PAPPA2: variants seen among roughly 807,000 people sequenced by gnomAD.
The protein encoded by PAPPA2 is pappalysin-2.
Under a neutral mutation model 176.4 loss-of-function variants are expected in PAPPA2, and 86 were observed. The ratio of observed to expected loss-of-function variants is 0.49; its 90% CI spans 0.41 to 0.58. The LOEUF is 0.58. Among genes scored for constraint, PAPPA2 ranks in the 20% least tolerant of loss-of-function variants. The pLI, the probability that PAPPA2 is intolerant of heterozygous loss-of-function variation, is 0.00. For synonymous variants in PAPPA2, 809 were observed against 852.2 expected (o/e 0.95, Z 0.88); for missense variants, 2,073 against 2,256.9 (o/e 0.92, Z 1.65).
intron 21 of PAPPA2, among the ~76,000 whole-genome samples, chr1:176,817,927 C>T (rs1449282305): frequency 6.6e-6 from 1 of 151,686 alleles, no homozygotes; most frequent in Non-Finnish European, 1.5e-5. Flanking sequence ...GATGAGGTCA[C>T]GCAGGAGTGT....
At chr1:176,502,884 G>C (rs187442709) in intron 1 of PAPPA2, among the ~76,000 whole-genome samples, 1 of 152,126 alleles carries the variant, frequency 6.6e-6, no homozygotes, top group African/African-American at 2.4e-5. Flanking sequence ...TTTTCTTCCA[G>C]TTAATAAAAC....
At chr1:176,550,372 A>G (rs1488049111) in intron 1 of PAPPA2, among the ~76,000 whole-genome samples, 1 of 152,236 alleles carries the variant, frequency 6.6e-6, no homozygotes, top group East Asian at 1.9e-4. Flanking sequence ...TTTTGAAGAG[A>G]TTCCAGGTAC....
chr1:176,673,707 A>G (rs1473147905), intron 4 of PAPPA2, among the ~76,000 whole-genome samples: 1 of 152,180 alleles, frequency 6.6e-6, no homozygotes, highest in African/African-American at 2.4e-5. Flanking sequence ...TGGATAAAAT[A>G]CTTTAAAAAT....
intron 21 of PAPPA2, among the ~76,000 whole-genome samples, chr1:176,820,441 C>T (rs2102973149): frequency 6.6e-6 from 1 of 152,282 alleles, no homozygotes; most frequent in East Asian, 1.9e-4. Flanking sequence ...GAGAGGCCGC[C>T]ACTGAGGCAG....
At position 176,532,361 on chromosome 1, in the gene PAPPA2, G is replaced by A. The variant is rs562924321; in HGVS notation, c.-916-23046G>A. Among the ~76,000 whole-genome samples the A allele has an allele frequency of 9.1e-4, 139 of 152,252 alleles. 1 individual carries two copies. Among genetic ancestry groups the A allele is most frequent in the South Asian group, 3.1e-3 (15 of 4,822 alleles). ...TTTGTGTATTAGGGAAGCCAAGCAC[G>A]TCCCTGCAGCTCTGCGAAGGTGACT... On this transcript the variant is annotated intron_variant, in intron 1 of 22. Coordinates refer to ENST00000367662, the MANE Select transcript of PAPPA2 (RefSeq NM_020318.3).
chr1:176,634,104 A>G (rs1037730769), intron 3 of PAPPA2, among the ~76,000 whole-genome samples: 3 of 152,222 alleles, frequency 2.0e-5, no homozygotes, highest in African/African-American at 7.2e-5. Flanking sequence ...TATATACCCA[A>G]AGGGATATAA....
Position 176,587,437 on chromosome 1 carries a change from T to A in PAPPA2, c.920-7087T>A, listed in dbSNP as rs1012033282. 7.2e-5 allele frequency among the ~76,000 whole-genome samples: 11 copies of A among 152,356 alleles called. No homozygotes were observed. The East Asian group carries it at 1.9e-3, about 27-fold the overall frequency. On this transcript the variant is annotated intron_variant, in intron 2 of 22. Coordinates refer to ENST00000367662, the MANE Select transcript of PAPPA2 (RefSeq NM_020318.3). ...TATGGTTTGGGGTTTTACATTTAAG[T>A]CTTTAATCCATCTTGAGTTAATTTT... is the stretch of plus-strand genomic sequence containing the variant.
rs1324912075 is a variant in PAPPA2 at position 176,543,044 on chromosome 1, G to T, written c.-916-12363G>T. On this transcript the variant is annotated intron_variant, in intron 1 of 22. Transcript: ENST00000367662. ...CTGGACTGTGGCTCCTTTCCTTGCA[G>T]TTTCAAAGTGTGGGAGGAATTCCAC... 2.6e-5 allele frequency among the ~76,000 whole-genome samples: 4 copies of T among 152,286 alleles called. No homozygotes were observed. In the East Asian group the frequency reaches 7.7e-4, roughly 29 times the overall value.
intron 14 of PAPPA2, 39 bp downstream of exon 14, chr1:176,740,235 G>C: frequency 6.4e-7 from 1 of 1,571,854 alleles, no homozygotes; most frequent in Non-Finnish European, 8.7e-7. Flanking sequence ...TCCTTTTCTT[G>C]TGGCTCTAAT....
chr1:176,655,405 A>G (rs372743705), intron 3 of PAPPA2, among the ~76,000 whole-genome samples: 3 of 151,882 alleles, frequency 2.0e-5, no homozygotes, highest in East Asian at 3.9e-4. Context: ...AGACTCTATA[A>G]GAAATTCAAA....
rs775686727 is a variant in PAPPA2 at position 176,556,928 on chromosome 1, G to T, written c.606G>T (p.Trp202Cys). The T allele has an allele frequency of 3.1e-6, 5 of 1,614,106 alleles. No individual in the cohort carries two copies. Among genetic ancestry groups the T allele is most frequent in the Non-Finnish European group, 4.2e-6 (5 of 1,180,036 alleles). The change falls in exon 2 of 23, where the codon TGG becomes TGT. Residue 202 changes from tryptophan (W) to cysteine (C), a missense_variant. This residue lies in a region of PAPPA2 where 1,196 missense variants were observed against 1,330.4 expected (regional missense o/e 0.90). Coordinates refer to ENST00000367662, the MANE Select transcript of PAPPA2 (RefSeq NM_020318.3). ...AGTCCAGGCAGCGTCGCCAAGTGTG[G>T]AAGAGGCGGGCGGAAGATGGGCAGG... The part of the protein sequence containing the change: ...WAKSRQRRQV[W>C]KRRAEDGQGD...
intron 8 of PAPPA2, 117 bp downstream of exon 8, chr1:176,699,706 C>A: frequency 6.9e-7 from 1 of 1,447,954 alleles, no homozygotes; most frequent in Non-Finnish European, 9.2e-7. Context: ...TTTAGACTTT[C>A]AGAGGGGATT....
intron 3 of PAPPA2, among the ~76,000 whole-genome samples, chr1:176,638,627 G>A (rs998841987): frequency 6.6e-6 from 1 of 152,032 alleles, no homozygotes; most frequent in African/African-American, 2.4e-5. Context: ...ATGGCGCACT[G>A]TAGATGAACA....
intron 3 of PAPPA2, among the ~76,000 whole-genome samples, chr1:176,666,567 G>A (rs1190382071): frequency 1.1e-3 from 48 of 41,848 alleles, no homozygotes; most frequent in Middle Eastern, 0.012. Flanking sequence ...ATATATGTGT[G>A]TGTGTGTGTG....
chr1:176,842,387 C>T lies in PAPPA2; in HGVS notation c.5309C>T (p.Pro1770Leu). The change falls in exon 23 of 23, where the codon CCA becomes CTA. Residue 1770 changes from proline to leucine, a missense_variant. Pro to Leu is a moderately conservative substitution (Grantham distance 98). Coordinates refer to ENST00000367662, the MANE Select transcript of PAPPA2 (RefSeq NM_020318.3). The stretch of plus-strand genomic sequence containing the variant: ...TCCCTTTCATTCCCCTAGGTCATTC[C>T]ATTTGCTGCTGACTGTGACCTGGAT... ...SSTLSSKKVIPFAADCDLDEC... is the reference protein window; with the variant it reads ...SSTLSSKKVILFAADCDLDEC... 7.4e-6 allele frequency: 12 copies of T among 1,613,006 alleles called. No individual in the cohort carries two copies. The highest frequency in any genetic ancestry group is 2.2e-5 in the South Asian group (2 of 91,056).
intron 17 of PAPPA2, among the ~76,000 whole-genome samples, chr1:176,774,467 G>C (rs933951466): frequency 2.0e-5 from 3 of 152,034 alleles, no homozygotes; most frequent in African/African-American, 7.2e-5. Context: ...GTTGAACCGG[G>C]TGCCTGCACA....
At chr1:176,658,892 A>G (rs904336115) in intron 3 of PAPPA2, among the ~76,000 whole-genome samples, 5 of 152,050 alleles carry the variant, frequency 3.3e-5, no homozygotes, top group African/African-American at 9.7e-5. Flanking sequence ...GAAAAATAAG[A>G]AGAGATTATA....
chr1:176,613,247 A>G (rs1374473814), intron 3 of PAPPA2, among the ~76,000 whole-genome samples: 1 of 152,236 alleles, frequency 6.6e-6, no homozygotes, highest in African/African-American at 2.4e-5. Flanking sequence ...TTCTGAAACC[A>G]GCTGCTGTAA....
intron 3 of PAPPA2, among the ~76,000 whole-genome samples, chr1:176,638,417 G>GT (rs930521716): frequency 6.6e-6 from 1 of 152,010 alleles, no homozygotes; most frequent in African/African-American, 2.4e-5. Flanking sequence ...GGTGGGTTTT[G>GT]TTGAGCTCCG....
Sources: allele counts gnomAD v4.1 joint callset (sites outside exome capture counted in the v4.1 genomes callset), GRCh38; gene constraint gnomAD v4.1.1; regional missense constraint gnomAD v4.1.1; transcripts MANE v1.5; gene names NCBI Gene and HGNC (gene_info 2026-07-23, HGNC 2026-07-21).